The following PHACTR4 variants were observed in gnomAD, a reference collection of about 807,000 sequenced individuals.
PHACTR4 encodes protein phosphatase 1, regulatory subunit 124.
In PHACTR4, 51 loss-of-function variants were observed where a neutral mutation model predicts 72.7. The ratio of observed to expected loss-of-function variants is 0.70; its 90% confidence interval spans 0.56 to 0.89. PHACTR4 has a LOEUF of 0.89. PHACTR4 is among the 40% of genes least tolerant of loss of function. The probability of loss-of-function intolerance (pLI) is 0.00; values close to 1 mark genes in which losing one functional copy is unlikely to be tolerated. For synonymous variants in PHACTR4, 255 were observed against 302.5 expected (o/e 0.84, Z 1.63); for missense variants, 731 against 861.8 (o/e 0.85, Z 1.90).
intron 2 of PHACTR4, among the ~76,000 whole-genome samples, chr1:28,448,780 A>AAAAAAAC (rs1553195455): frequency 1.5e-5 from 2 of 134,436 alleles, no homozygotes; most frequent in African/African-American, 6.8e-5. Flanking sequence ...AAAAAAAAAA[A>AAAAAAAC]AAAAACCTGA....
intron 1 of PHACTR4, among the ~76,000 whole-genome samples, chr1:28,392,307 G>A (rs966885221): frequency 3.3e-5 from 5 of 152,048 alleles, no homozygotes. Context: ...CTATTGCAGG[G>A]CTCGTGTTCA....
At chr1:28,444,216 T>C (rs953798559) in intron 2 of PHACTR4, among the ~76,000 whole-genome samples, 2 of 61,010 alleles carry the variant, frequency 3.3e-5, no homozygotes, top group Non-Finnish European at 6.6e-5. Context: ...ATATTTGGCT[T>C]TTTTTTTTTT....
intron 2 of PHACTR4, among the ~76,000 whole-genome samples, chr1:28,439,967 T>TTAA (rs931195131): frequency 6.6e-6 from 1 of 152,148 alleles, no homozygotes; most frequent in African/African-American, 2.4e-5. Context: ...GTGGTGGTAT[T>TTAA]TAAGAAGAAT....
chr1:28,465,738 A>G lies in PHACTR4; in HGVS notation c.325A>G (p.Thr109Ala). 2 of 1,613,948 alleles carry G rather than the reference A, an allele frequency of 1.2e-6. No individual in the cohort carries two copies. Among genetic ancestry groups the G allele is most frequent in the Non-Finnish European group, 1.7e-6 (2 of 1,179,946 alleles). ...TGCCATGTTAAAGAATGGCCATACC[A>G]CCCCCATAGGGAATGCCAGATCATC... ...SDAMLKNGHT[T>A]PIGNARSSSP... The change falls in exon 5 of 14, where the codon ACC becomes GCC. Residue 109 changes from threonine (T) to alanine (A), a missense_variant. Transcript: ENST00000373839.
intron 4 of PHACTR4, among the ~76,000 whole-genome samples, chr1:28,460,921 G>A (rs1461049359): frequency 6.6e-6 from 1 of 152,024 alleles, no homozygotes; most frequent in Non-Finnish European, 1.5e-5. Flanking sequence ...TGGGATTACA[G>A]GCTTGAGCCA....
intron 1 of PHACTR4, among the ~76,000 whole-genome samples, chr1:28,380,825 A>C (rs998055036): frequency 6.6e-6 from 1 of 151,950 alleles, no homozygotes; most frequent in Non-Finnish European, 1.5e-5. Context: ...ATGTCTTTAT[A>C]ATAGAATGAT....
At chr1:28,422,599 G>T (rs186646270) in intron 2 of PHACTR4, 2 of 152,242 alleles carry the variant, frequency 1.3e-5, no homozygotes, top group African/African-American at 4.8e-5. Context: ...AAGGAACAAA[G>T]AAATCTTAAG....
At chr1:28,400,305 G>A (rs901996316) in intron 1 of PHACTR4, among the ~76,000 whole-genome samples, 1 of 151,314 alleles carries the variant, frequency 6.6e-6, no homozygotes, top group Non-Finnish European at 1.5e-5. Context: ...CCTGGGAGTC[G>A]GAGGTTGCAG....
intron 2 of PHACTR4, among the ~76,000 whole-genome samples, chr1:28,434,775 T>G (rs1335456569): frequency 1.3e-5 from 2 of 151,862 alleles, no homozygotes; most frequent in African/African-American, 4.8e-5. Context: ...CGAGGGATCC[T>G]CCTACCTTCG....
chr1:28,382,662 G>C (rs1205697816), intron 1 of PHACTR4, among the ~76,000 whole-genome samples: 1 of 151,948 alleles, frequency 6.6e-6, no homozygotes, highest in Non-Finnish European at 1.5e-5. Context: ...TTGTCTTCCA[G>C]GGTTTTTGTA....
At chr1:28,409,951 ATTTTTTTTTTTT>A (rs57186471) in intron 2 of PHACTR4, among the ~76,000 whole-genome samples, 13 of 66,364 alleles carry the variant, frequency 2.0e-4, no homozygotes, top group South Asian at 6.9e-4. Context: ...TTCTTCATAA[ATTTTTTTTTTTT>A]TTTTTTTTTT....
intron 7 of PHACTR4, among the ~76,000 whole-genome samples, chr1:28,475,286 TTC>T (rs1659852600): frequency 6.6e-6 from 1 of 152,120 alleles, no homozygotes; most frequent in African/African-American, 2.4e-5. Context: ...TTTTTTTTTT[TTC>T]ATGGAGATTT....
At chr1:28,414,035 C>G (rs1465035129) in intron 2 of PHACTR4, among the ~76,000 whole-genome samples, 1 of 152,072 alleles carries the variant, frequency 6.6e-6, no homozygotes, top group African/African-American at 2.4e-5. Flanking sequence ...TCACTTAATT[C>G]TCTTCCATTT....
chr1:28,496,839 G>C lies in PHACTR4; in HGVS notation c.*290G>C, dbSNP rs943045757. On this transcript the variant is annotated 3_prime_UTR_variant, in exon 14 of 14. Transcript: ENST00000373839. ...AGTTCTGAACCACTTGCAGGTTCCA[G>C]GTTTTACTGGCTGCACCACACCCCT... 2 of 506,234 alleles carry C rather than the reference G, an allele frequency of 4.0e-6. No individual in the cohort carries two copies. Among genetic ancestry groups the C allele is most frequent in the African/African-American group, 3.9e-5 (2 of 51,690 alleles). 31.4% of individuals were successfully genotyped at this position (506,234 alleles called of 1,614,324 possible). A position where few individuals can be genotyped will look rare whatever the true frequency, so the allele number is the denominator to read the frequency against.
chr1:28,421,271 C>G (rs1250346480), intron 2 of PHACTR4, among the ~76,000 whole-genome samples: 1 of 152,154 alleles, frequency 6.6e-6, no homozygotes, highest in Non-Finnish European at 1.5e-5. Context: ...TATACACACA[C>G]ATACACACTC....
chr1:28,489,419 T>G (rs1343507363), intron 10 of PHACTR4, among the ~76,000 whole-genome samples, 194 bp downstream of exon 10: 1 of 152,212 alleles, frequency 6.6e-6, no homozygotes, highest in Non-Finnish European at 1.5e-5. Flanking sequence ...TATGGTATTG[T>G]TTAGTGTGCT....
At chr1:28,409,874 G>A (rs1466387514) in intron 2 of PHACTR4, among the ~76,000 whole-genome samples, 10 of 146,620 alleles carry the variant, frequency 6.8e-5, no homozygotes, top group African/African-American at 2.5e-4. Context: ...ATTATGCCTA[G>A]TTCATCAATT....
chr1:28,474,247 T>G, intron 7 of PHACTR4, 96 bp downstream of exon 7: 3 of 1,140,894 alleles, frequency 2.6e-6, no homozygotes, highest in Non-Finnish European at 3.7e-6. Flanking sequence ...GGGCCGGGCC[T>G]AGTGGCCCAC....
chr1:28,375,273 G>A (rs1010655292), intron 1 of PHACTR4, among the ~76,000 whole-genome samples: 2 of 151,688 alleles, frequency 1.3e-5, no homozygotes, highest in East Asian at 1.9e-4. Context: ...CACTTCAGCC[G>A]GGGTGACAGA....
Sources: gnomAD v4.1 joint callset for allele counts (sites outside exome capture counted in the v4.1 genomes callset) on GRCh38, gnomAD v4.1.1 for gene constraint, MANE v1.5 for transcripts, NCBI Gene and HGNC (gene_info 2026-07-23, HGNC 2026-07-21) for gene names.